Variants in CCSER1 observed in about 807,000 individuals in gnomAD.
CCSER1 encodes the protein serine-rich coiled-coil domain-containing protein 1.
CCSER1 carries 41 observed loss-of-function variants against 82.0 expected under a neutral mutation model. The ratio of observed to expected loss-of-function variants is 0.50; its 90% CI spans 0.39 to 0.65. The LOEUF is 0.65. Among genes scored for constraint, CCSER1 ranks in the 30% least tolerant of loss-of-function variants. The probability of loss-of-function intolerance (pLI) is 0.00; values close to 1 mark genes in which losing one functional copy is unlikely to be tolerated. For synonymous variants in CCSER1, 414 were observed against 383.9 expected, an observed-to-expected ratio of 1.08 and a Z score of -0.92; for missense variants, 1,119 against 1,064.2, an observed-to-expected ratio of 1.05 and a Z score of -0.72.
intron 10 of CCSER1, among the ~76,000 whole-genome samples, chr4:91,423,015 C>G (rs1373206508): frequency 2.6e-5 from 4 of 152,048 alleles, no homozygotes; most frequent in Non-Finnish European, 4.4e-5. Context: ...AGACATAATT[C>G]TACTAATGAG....
rs1761250567 is a variant in CCSER1 at position 90,450,153 on chromosome 4, G to A, written c.1604-18081G>A. Among the ~76,000 whole-genome samples the A allele has an allele frequency of 3.9e-5, 6 of 152,278 alleles. No homozygotes were observed. The South Asian group carries it at 1.2e-3, about 32-fold the overall frequency. On this transcript the variant is annotated intron_variant, in intron 4 of 10. Coordinates refer to ENST00000509176, the MANE Select transcript of CCSER1 (RefSeq NM_001145065.2). ...CATCTCTCTCAGAGGCCTATGTAAG[G>A]GTCCCTGGTAGAAACGGAGCCATTA...
intron 8 of CCSER1, among the ~76,000 whole-genome samples, chr4:90,826,438 G>T (rs1008816496): frequency 1.3e-5 from 2 of 152,182 alleles, no homozygotes; most frequent in East Asian, 3.8e-4. Flanking sequence ...GAGTAGAGTG[G>T]TATCTGTCCT....
intron 5 of CCSER1, among the ~76,000 whole-genome samples, chr4:90,600,520 T>C (rs933520271): frequency 3.9e-5 from 6 of 152,126 alleles, no homozygotes; most frequent in African/African-American, 1.4e-4. Context: ...AAAATATGTG[T>C]TAATTGAGAT....
At chr4:90,454,191 G>A (rs114858827) in intron 4 of CCSER1, among the ~76,000 whole-genome samples, 1 of 151,814 alleles carries the variant, frequency 6.6e-6, no homozygotes, top group African/African-American at 2.4e-5. Flanking sequence ...AGCCTGCAAA[G>A]AGTCCATTAG....
intron 5 of CCSER1, among the ~76,000 whole-genome samples, chr4:90,506,772 A>T (rs1053663355): frequency 3.5e-4 from 53 of 152,020 alleles, no homozygotes; most frequent in African/African-American, 1.0e-3. Flanking sequence ...GTCCAAAAAA[A>T]AAAAAAATAA....
At chr4:90,812,655 G>A (rs1758502432) in intron 7 of CCSER1, among the ~76,000 whole-genome samples, 1 of 152,148 alleles carries the variant, frequency 6.6e-6, no homozygotes, top group Admixed American at 6.5e-5. Context: ...AACAACCTGA[G>A]ACTGGGTAAT....
chr4:91,160,049 C>A (rs1731220733), intron 10 of CCSER1, among the ~76,000 whole-genome samples: 1 of 151,582 alleles, frequency 6.6e-6, no homozygotes. Flanking sequence ...CCTCCCCCTG[C>A]CCCCACCCCA....
Position 90,437,907 on chromosome 4 carries a change from A to T in CCSER1, c.1604-30327A>T, listed in dbSNP as rs181754187. On this transcript the variant is annotated intron_variant, in intron 4 of 10. Transcript: ENST00000509176. The stretch of plus-strand genomic sequence containing the variant: ...ATTCTTTTTGGCTAATTATGATCTG[A>T]GTTTTTATCAACAATAGTTAAAAAT... 2.1e-3 allele frequency among the ~76,000 whole-genome samples: 322 copies of T among 152,256 alleles called. 2 individuals carry two copies. The highest frequency in any genetic ancestry group is 3.8e-3 in the Non-Finnish European group (259 of 68,008).
At chr4:91,191,844 T>C (rs1581744310) in intron 10 of CCSER1, among the ~76,000 whole-genome samples, 2 of 152,352 alleles carry the variant, frequency 1.3e-5, no homozygotes, top group South Asian at 4.1e-4. Flanking sequence ...TTCTGATAAC[T>C]ACTCAATCTT....
Position 90,309,217 on chromosome 4 carries a change from G to A in CCSER1, c.933G>A (p.Thr311=), listed in dbSNP as rs200529705. The change falls in exon 2 of 11, where the codon ACG becomes ACA. Residue 311 remains threonine, a synonymous_variant. Transcript: ENST00000509176. The part of the protein sequence containing the change: ...AAVTKTTTEL[T]GTVPCAIMSP... ...TTACAAAGACAACAACAGAACTTAC[G>A]GGAACTGTTCCCTGTGCAATTATGT... 165 of 1,613,860 alleles carry A rather than the reference G, an allele frequency of 1.0e-4. No individual in the cohort carries two copies. In the African/African-American group the frequency reaches 1.7e-3, roughly 17 times the overall value.
chr4:90,285,795 A>G (rs1729777714), intron 1 of CCSER1, among the ~76,000 whole-genome samples: 1 of 151,936 alleles, frequency 6.6e-6, no homozygotes, highest in Non-Finnish European at 1.5e-5. Context: ...ATGGCCTTTT[A>G]TCATGTTGAG....
chr4:91,206,081 C>T (rs941298919), intron 10 of CCSER1, among the ~76,000 whole-genome samples: 2 of 151,700 alleles, frequency 1.3e-5, no homozygotes, highest in African/African-American at 2.4e-5. Context: ...TAAACTGAAA[C>T]GTGAAAAAGA....
At chr4:90,781,716 A>C (rs1753804768) in intron 7 of CCSER1, 1 of 968,452 alleles carries the variant, frequency 1.0e-6, no homozygotes, top group African/African-American at 1.8e-5. Context: ...CAATTTTCCC[A>C]GTTTTATATA....
At chr4:91,264,929 GAATA>G (rs1348384124) in intron 10 of CCSER1, among the ~76,000 whole-genome samples, 1 of 151,950 alleles carries the variant, frequency 6.6e-6, no homozygotes, top group Non-Finnish European at 1.5e-5. Context: ...TATGACTAAT[GAATA>G]GATTTCAAAT....
intron 3 of CCSER1, among the ~76,000 whole-genome samples, chr4:90,330,938 A>G (rs1165623485): frequency 6.6e-6 from 1 of 152,138 alleles, no homozygotes; most frequent in East Asian, 1.9e-4. Flanking sequence ...TGTTATAAAT[A>G]GACTATTAAG....
At chr4:90,836,882 G>A (rs1371597921) in intron 8 of CCSER1, among the ~76,000 whole-genome samples, 2 of 152,218 alleles carry the variant, frequency 1.3e-5, no homozygotes, top group African/African-American at 2.4e-5. Context: ...CCACTTGGCC[G>A]CTGTTTTTCT....
At chr4:90,820,234 T>C (rs1189957178) in intron 8 of CCSER1, among the ~76,000 whole-genome samples, 1 of 152,204 alleles carries the variant, frequency 6.6e-6, no homozygotes, top group African/African-American at 2.4e-5. Context: ...TTTTCTCTAT[T>C]TGGGCATTGG....
intron 10 of CCSER1, among the ~76,000 whole-genome samples, chr4:91,464,840 C>A: frequency 6.6e-6 from 1 of 152,154 alleles, no homozygotes; most frequent in Non-Finnish European, 1.5e-5. Flanking sequence ...TACAGGAACA[C>A]CCAGATTCAT....
chr4:91,265,309 T>C (rs1741489850), intron 10 of CCSER1, among the ~76,000 whole-genome samples: 1 of 152,132 alleles, frequency 6.6e-6, no homozygotes, highest in Admixed American at 6.5e-5. Context: ...AACTATTATA[T>C]ATTAATACAA....
Sources: gnomAD v4.1 joint callset for allele counts (sites outside exome capture counted in the v4.1 genomes callset) on GRCh38, gnomAD v4.1.1 for gene constraint, MANE v1.5 for transcripts, NCBI Gene and HGNC (gene_info 2026-07-23, HGNC 2026-07-21) for gene names.